GPC6: variants seen among roughly 807,000 people sequenced by gnomAD.
The protein encoded by GPC6 is glypican 6.
Under a neutral mutation model 55.2 loss-of-function variants are expected in GPC6, and 14 were observed. The observed-to-expected ratio is 0.25, with a 90% CI of 0.17 to 0.40. GPC6 has a LOEUF of 0.40. GPC6 is among the 10% of genes least tolerant of loss of function. GPC6 has a pLI of 1.00. For synonymous variants in GPC6, 278 were observed against 259.6 expected, an observed-to-expected ratio of 1.07 and a Z score of -0.68; for missense variants, 641 against 708.5, an observed-to-expected ratio of 0.90 and a Z score of 1.08.
intron 3 of GPC6, among the ~76,000 whole-genome samples, chr13:93,849,508 C>G (rs9524256): frequency 0.19 from 28,964 of 152,076 alleles, 3,546 homozygotes; most frequent in Non-Finnish European, 0.26. Flanking sequence ...CCCTCTAGCT[C>G]TCACCTAGAT....
rs538496997 is a variant in GPC6 at position 94,305,850 on chromosome 13, A to G, written c.1009-130A>G. 8.7e-5 allele frequency: 76 copies of G among 870,700 alleles called. No homozygotes were observed. The African/African-American group carries it at 8.9e-4, about 10-fold the overall frequency. 53.9% of individuals were successfully genotyped at this position (870,700 alleles called of 1,614,324 possible). ...TAGTGGTTATACTTGTTTACATTTC[A>G]AAATTAGAGTTTATTGGAGGTAAAA... is the stretch of plus-strand genomic sequence containing the variant. On this transcript the variant is annotated intron_variant, in intron 5 of 8. Transcript: ENST00000377047.
intron 1 of GPC6, among the ~76,000 whole-genome samples, chr13:93,518,664 G>A (rs931329504): frequency 1.2e-4 from 18 of 151,910 alleles, no homozygotes; most frequent in African/African-American, 4.4e-4. Flanking sequence ...GGACTCTCTT[G>A]GGCCAGTAGT....
intron 4 of GPC6, among the ~76,000 whole-genome samples, chr13:94,036,944 C>G (rs75820286): frequency 6.6e-6 from 1 of 152,008 alleles, no homozygotes; most frequent in East Asian, 1.9e-4. Flanking sequence ...TCTTTAAATT[C>G]AGTGCCTCTA....
intron 3 of GPC6, among the ~76,000 whole-genome samples, chr13:93,915,301 A>G (rs546462543): frequency 6.6e-6 from 1 of 152,352 alleles, no homozygotes; most frequent in East Asian, 1.9e-4. Context: ...AAACTCACCC[A>G]GAGCATAAAT....
intron 1 of GPC6, among the ~76,000 whole-genome samples, chr13:93,379,115 G>A (rs546433459): frequency 6.6e-5 from 10 of 152,012 alleles, no homozygotes; most frequent in African/African-American, 9.7e-5. Context: ...ACAAATTTCC[G>A]TAATGCACCC....
At chr13:93,586,894 G>A (rs979275607) in intron 2 of GPC6, among the ~76,000 whole-genome samples, 2 of 152,082 alleles carry the variant, frequency 1.3e-5, no homozygotes, top group African/African-American at 2.4e-5. Flanking sequence ...ACATATATTC[G>A]TGTATATGTT....
At chr13:94,266,369 T>A (rs183771730) in intron 4 of GPC6, among the ~76,000 whole-genome samples, 2 of 152,006 alleles carry the variant, frequency 1.3e-5, no homozygotes, top group Admixed American at 6.6e-5. Flanking sequence ...GGGGTTTCAC[T>A]GTGTTAGCCA....
chr13:93,905,077 C>CTT lies in GPC6; in HGVS notation c.711+74547_711+74548dup, dbSNP rs11308770. Among the ~76,000 whole-genome samples the CTT allele has an allele frequency of 9.5e-4, 127 of 133,818 alleles. 1 individual carries two copies. The highest frequency in any genetic ancestry group is 1.2e-3 in the Non-Finnish European group (76 of 63,222). 87.8% of individuals were successfully genotyped at this position (133,818 alleles called of 152,430 possible). On this transcript the variant is annotated intron_variant, in intron 3 of 8. Coordinates refer to ENST00000377047, the MANE Select transcript of GPC6 (RefSeq NM_005708.5). ...ATGTTAGCTTTTCTAAGCATTCTCT[C>CTT]TTTTTTTTTTTTTTTTGAAAGGGGG... is the stretch of plus-strand genomic sequence containing the variant.
At chr13:93,682,885 G>A (rs1409467703) in intron 2 of GPC6, among the ~76,000 whole-genome samples, 3 of 150,850 alleles carry the variant, frequency 2.0e-5, no homozygotes, top group Admixed American at 1.3e-4. Flanking sequence ...AGGTGTGGTA[G>A]TGCACGCCTG....
chr13:93,927,750 G>T (rs148938055), intron 3 of GPC6, among the ~76,000 whole-genome samples: 2 of 151,240 alleles, frequency 1.3e-5, no homozygotes, highest in African/African-American at 4.8e-5. Flanking sequence ...AGATAGCAGT[G>T]AAGTTTAAAT....
chr13:93,837,554 A>G (rs1054601130), intron 3 of GPC6, among the ~76,000 whole-genome samples: 5 of 152,230 alleles, frequency 3.3e-5, no homozygotes, highest in African/African-American at 9.6e-5. Flanking sequence ...TTGTATGTCA[A>G]GTACTGTCGG....
intron 2 of GPC6, among the ~76,000 whole-genome samples, chr13:93,705,991 G>A (rs1301026167): frequency 4.0e-5 from 6 of 151,664 alleles, no homozygotes; most frequent in African/African-American, 9.7e-5. Flanking sequence ...AGAATGTCTT[G>A]GGGAGGCTCA....
chr13:93,858,635 TA>T (rs1006971174), intron 3 of GPC6, among the ~76,000 whole-genome samples: 15 of 151,590 alleles, frequency 9.9e-5, no homozygotes, highest in Admixed American at 9.2e-4. Flanking sequence ...AATTCAAGTT[TA>T]AAAACCTGTA....
At chr13:93,300,638 ACT>A (rs1403365684) in intron 1 of GPC6, among the ~76,000 whole-genome samples, 1 of 132,116 alleles carries the variant, frequency 7.6e-6, no homozygotes, top group Non-Finnish European at 1.6e-5. Context: ...ACAGAGCCAG[ACT>A]CTGTCTCAAA....
At chr13:94,363,055 G>A (rs1255857062) in intron 6 of GPC6, among the ~76,000 whole-genome samples, 7 of 151,868 alleles carry the variant, frequency 4.6e-5, no homozygotes, top group East Asian at 1.9e-4. Flanking sequence ...CCCACCCCCC[G>A]ACAGGCCCTG....
chr13:93,383,767 T>TTG (rs904519779), intron 1 of GPC6, among the ~76,000 whole-genome samples: 11 of 152,092 alleles, frequency 7.2e-5, no homozygotes, highest in Non-Finnish European at 1.6e-4. Context: ...TGAATACACT[T>TTG]TGAGTTTTCT....
chr13:94,060,403 G>A (rs113522588), intron 4 of GPC6, among the ~76,000 whole-genome samples: 5 of 152,238 alleles, frequency 3.3e-5, no homozygotes, highest in African/African-American at 9.6e-5. Context: ...TGACTGGCAG[G>A]CACATAGTAG....
intron 1 of GPC6, among the ~76,000 whole-genome samples, chr13:93,289,625 T>G (rs1878254818): frequency 6.6e-6 from 1 of 152,178 alleles, no homozygotes; most frequent in Admixed American, 6.5e-5. Flanking sequence ...AGGGAAAAAT[T>G]TACCCTATGT....
At chr13:93,988,985 A>G (rs1202001095) in intron 3 of GPC6, among the ~76,000 whole-genome samples, 2 of 152,196 alleles carry the variant, frequency 1.3e-5, no homozygotes, top group Non-Finnish European at 2.9e-5. Flanking sequence ...TACATGTATT[A>G]TTTCAGTTAA....
Sources: gnomAD v4.1 joint callset for allele counts (sites outside exome capture counted in the v4.1 genomes callset) on GRCh38, gnomAD v4.1.1 for gene constraint, MANE v1.5 for transcripts, NCBI Gene and HGNC (gene_info 2026-07-23, HGNC 2026-07-21) for gene names.